Variants in FAT4 observed in about 807,000 individuals in gnomAD.
The protein encoded by FAT4 is FAT atypical cadherin 4.
A neutral mutation model predicts 303.9 loss-of-function variants in FAT4; 84 were observed. The ratio of observed to expected loss-of-function variants is 0.28; its 90% confidence interval spans 0.23 to 0.33. The LOEUF (loss-of-function observed/expected upper bound fraction) is 0.33, where lower values mean the gene tolerates loss of function less well. Ranked by LOEUF, FAT4 falls within the 10% of genes least tolerant of loss-of-function variation. FAT4 has a pLI of 1.00. For synonymous variants in FAT4, 2,307 were observed against 2,298.8 expected, an observed-to-expected ratio of 1.00 and a Z score of -0.10; for missense variants, 6,005 against 6,146.8, an observed-to-expected ratio of 0.98 and a Z score of 0.77.
intron 2 of FAT4, among the ~76,000 whole-genome samples, chr4:125,357,448 C>A (rs1161999038): frequency 6.6e-6 from 1 of 151,888 alleles, no homozygotes; most frequent in Non-Finnish European, 1.5e-5. Context: ...ATAGATTATT[C>A]GGGTACTTTA....
chr4:125,329,548 C>A (rs2125955861), intron 2 of FAT4, among the ~76,000 whole-genome samples: 1 of 152,244 alleles, frequency 6.6e-6, no homozygotes, highest in Admixed American at 6.5e-5. Flanking sequence ...TTCTTGCAGT[C>A]TTTCTCTTTT....
intron 2 of FAT4, among the ~76,000 whole-genome samples, chr4:125,357,949 T>C (rs952501183): frequency 7.2e-5 from 11 of 152,168 alleles, no homozygotes; most frequent in African/African-American, 2.7e-4. Flanking sequence ...AGCTGTAAGA[T>C]TGTTTCCTTT....
chr4:125,476,902 C>G (rs773451580), intron 13 of FAT4, among the ~76,000 whole-genome samples: 6 of 151,990 alleles, frequency 3.9e-5, no homozygotes, highest in Non-Finnish European at 8.8e-5. Flanking sequence ...CTTGTTGACT[C>G]AGTATTGTGA....
intron 2 of FAT4, among the ~76,000 whole-genome samples, chr4:125,367,242 C>T (rs946976267): frequency 1.3e-5 from 2 of 152,058 alleles, no homozygotes; most frequent in Admixed American, 6.6e-5. Flanking sequence ...GTAAAATTTA[C>T]TGGAAGCAAT....
chr4:125,388,029 C>CTTGG (rs1305060070), intron 2 of FAT4, among the ~76,000 whole-genome samples: 1 of 152,148 alleles, frequency 6.6e-6, no homozygotes, highest in Non-Finnish European at 1.5e-5. Context: ...AGTCTAAAAA[C>CTTGG]CTTCCAGCTG....
At chr4:125,331,627 T>C (rs1403770040) in intron 2 of FAT4, among the ~76,000 whole-genome samples, 1 of 152,190 alleles carries the variant, frequency 6.6e-6, no homozygotes, top group Non-Finnish European at 1.5e-5. Flanking sequence ...CCATCTCATG[T>C]CTTCTCATCT....
Position 125,319,733 on chromosome 4 carries a change from T to A in FAT4, c.3322T>A (p.Tyr1108Asn). 1 of 1,614,244 alleles carries A rather than the reference T, an allele frequency of 6.2e-7. No homozygotes were observed. The highest frequency in any genetic ancestry group is 8.5e-7 in the Non-Finnish European group (1 of 1,180,026). The change falls in exon 2 of 18, where the codon TAC becomes AAC. Residue 1108 changes from tyrosine to asparagine, a missense_variant. By Grantham distance (143) the Tyr-to-Asn change is moderately radical (BLOSUM62 -2). Transcript: ENST00000394329. ...PLFNSTNYTF[Y>N]FEEEQRAGSF... is the part of the protein sequence containing the mutation. ...TTTTAACAGTACCAATTACACATTT[T>A]ACTTCGAAGAAGAGCAGAGGGCTGG...
At chr4:125,332,381 T>C (rs1324790749) in intron 2 of FAT4, among the ~76,000 whole-genome samples, 1 of 152,176 alleles carries the variant, frequency 6.6e-6, no homozygotes, top group Non-Finnish European at 1.5e-5. Flanking sequence ...CACTATTGTA[T>C]TGTTGTTGAC....
At chr4:125,355,909 A>AT (rs148728931) in intron 2 of FAT4, among the ~76,000 whole-genome samples, 5,536 of 151,856 alleles carry the variant, frequency 0.036, 321 homozygotes, top group African/African-American at 0.13. Flanking sequence ...ACATTAGAGG[A>AT]TTTTTTCTAT....
intron 5 of FAT4, among the ~76,000 whole-genome samples, chr4:125,412,084 T>C (rs142704474): frequency 1.6e-3 from 243 of 151,908 alleles, no homozygotes; most frequent in African/African-American, 5.4e-3. Flanking sequence ...AATTTTACAA[T>C]AATGTGTTTA....
chr4:125,354,583 GA>G (rs1262366868), intron 2 of FAT4, among the ~76,000 whole-genome samples: 1 of 151,666 alleles, frequency 6.6e-6, no homozygotes, highest in African/African-American at 2.4e-5. Flanking sequence ...TCTGAATTCT[GA>G]GAAGCTAGTT....
At chr4:125,398,438 G>C (rs895742528) in intron 2 of FAT4, among the ~76,000 whole-genome samples, 1 of 152,116 alleles carries the variant, frequency 6.6e-6, no homozygotes, top group African/African-American at 2.4e-5. Flanking sequence ...AGCATTTAAT[G>C]GTTGAATGAC....
chr4:125,335,232 G>T (rs1731525277), intron 2 of FAT4, among the ~76,000 whole-genome samples: 1 of 152,068 alleles, frequency 6.6e-6, no homozygotes, highest in Non-Finnish European at 1.5e-5. Context: ...CTCTTTGTTT[G>T]TCAGTATTTT....
chr4:125,452,975 A>G (rs1022097833), intron 10 of FAT4, among the ~76,000 whole-genome samples, 165 bp downstream of exon 10: 4 of 152,156 alleles, frequency 2.6e-5, no homozygotes, highest in African/African-American at 7.2e-5. Flanking sequence ...AGCACTTTTT[A>G]TGTATTTGTT....
intron 9 of FAT4, among the ~76,000 whole-genome samples, chr4:125,447,536 G>A (rs1725867212): frequency 6.6e-6 from 1 of 152,112 alleles, no homozygotes; most frequent in Non-Finnish European, 1.5e-5. Flanking sequence ...ATGTGTGGTG[G>A]TGCAAGATAA....
chr4:125,487,248 C>T, intron 16 of FAT4, 97 bp from the exon 17 acceptor site: 1 of 1,082,180 alleles, frequency 9.2e-7, no homozygotes, highest in South Asian at 1.6e-5. Context: ...ATTCTATCTG[C>T]TGTGGACTGG....
chr4:125,468,624 G>T lies in FAT4; in HGVS notation c.12018G>T (p.Thr4006=). ...NNNYIYVKFA[T]IKSHALLLYN... ...ACTATATTTATGTCAAATTTGCCAC[G>T]ATTAAAAGTCATGCCTTATTGCTTT... Residue 4006 remains threonine, a synonymous_variant, in exon 12 of 18, where the codon ACG becomes ACT. Transcript: ENST00000394329. 6.2e-7 allele frequency: 1 copy of T among 1,614,024 alleles called. No individual in the cohort carries two copies. Among genetic ancestry groups the T allele is most frequent in the Non-Finnish European group, 8.5e-7 (1 of 1,180,008 alleles).
At chr4:125,355,843 A>G (rs1219262453) in intron 2 of FAT4, among the ~76,000 whole-genome samples, 1 of 151,960 alleles carries the variant, frequency 6.6e-6, no homozygotes, top group Admixed American at 6.6e-5. Context: ...TTTTTAACAG[A>G]TTATCTTTCT....
chr4:125,429,733 T>G (rs1725218112), intron 7 of FAT4, among the ~76,000 whole-genome samples: 1 of 152,162 alleles, frequency 6.6e-6, no homozygotes. Flanking sequence ...TAGATATAAA[T>G]ATATGAGCAA....
Sources: gnomAD v4.1 joint callset for allele counts (sites outside exome capture counted in the v4.1 genomes callset) on GRCh38, gnomAD v4.1.1 for gene constraint, MANE v1.5 for transcripts, NCBI Gene and HGNC (gene_info 2026-07-23, HGNC 2026-07-21) for gene names.